Variants in ANKS1B observed in about 807,000 individuals in gnomAD.
ANKS1B encodes the protein ankyrin repeat and sterile alpha motif domain containing 1B.
A neutral mutation model predicts 148.3 loss-of-function variants in ANKS1B; 36 were observed. The observed-to-expected ratio is 0.24, with a 90% confidence interval of 0.19 to 0.32. The LOEUF (loss-of-function observed/expected upper bound fraction) is 0.32, where lower values mean the gene tolerates loss of function less well. ANKS1B is among the 10% of genes least tolerant of loss of function. ANKS1B has a pLI of 1.00. For missense variants in ANKS1B, 1,157 were observed against 1,542.6 expected, an observed-to-expected ratio of 0.75 and a Z score of 4.19; for synonymous variants, 542 against 560.8, an observed-to-expected ratio of 0.97 and a Z score of 0.47.
chr12:99,284,184 C>G (rs1473897676), intron 12 of ANKS1B, among the ~76,000 whole-genome samples: 1 of 152,166 alleles, frequency 6.6e-6, no homozygotes, highest in Non-Finnish European at 1.5e-5. Flanking sequence ...TAGTATCAGG[C>G]TCAAGCAGAT....
chr12:99,254,359 A>G (rs1220062833), intron 12 of ANKS1B, among the ~76,000 whole-genome samples: 2 of 152,188 alleles, frequency 1.3e-5, no homozygotes, highest in East Asian at 3.9e-4. Flanking sequence ...TAACACTAAG[A>G]CATTATTTGC....
chr12:98,816,995 GAA>G (rs576613428), intron 19 of ANKS1B, among the ~76,000 whole-genome samples: 1 of 141,436 alleles, frequency 7.1e-6, no homozygotes, highest in African/African-American at 2.6e-5. Flanking sequence ...TTCTAGCCCT[GAA>G]AAAAAAAAAG....
At chr12:98,913,941 A>T (rs1236166385) in intron 17 of ANKS1B, among the ~76,000 whole-genome samples, 1 of 152,082 alleles carries the variant, frequency 6.6e-6, no homozygotes, top group Non-Finnish European at 1.5e-5. Flanking sequence ...AGTTTTCTTT[A>T]TGTCAGTTAG....
chr12:99,153,673 TA>T (rs1343986103), intron 15 of ANKS1B, among the ~76,000 whole-genome samples: 1 of 152,178 alleles, frequency 6.6e-6, no homozygotes, highest in Non-Finnish European at 1.5e-5. Flanking sequence ...TATTGACAGC[TA>T]AATGACCAAA....
chr12:99,752,110 T>A (rs942472618), intron 8 of ANKS1B, among the ~76,000 whole-genome samples: 3 of 152,042 alleles, frequency 2.0e-5, no homozygotes, highest in South Asian at 2.1e-4. Flanking sequence ...CATAATCAGA[T>A]GATTGTTATT....
intron 17 of ANKS1B, among the ~76,000 whole-genome samples, chr12:98,991,323 T>C (rs150176319): frequency 5.3e-4 from 80 of 152,348 alleles, no homozygotes; most frequent in Middle Eastern, 3.4e-3. Flanking sequence ...TGTTTGCATA[T>C]AGGGTACACA....
chr12:98,768,733 CAAA>C (rs36034629), intron 25 of ANKS1B, among the ~76,000 whole-genome samples: 5 of 80,586 alleles, frequency 6.2e-5, no homozygotes, highest in Non-Finnish European at 9.9e-5. Flanking sequence ...GACTCCATCT[CAAA>C]AAAAAAAAAA....
intron 12 of ANKS1B, among the ~76,000 whole-genome samples, chr12:99,348,234 C>T (rs1261944134): frequency 4.0e-5 from 6 of 151,878 alleles, no homozygotes; most frequent in East Asian, 1.9e-4. Context: ...ATCTAGCTAT[C>T]GGAATCCCAG....
At chr12:99,207,771 T>A (rs1004155462) in intron 14 of ANKS1B, among the ~76,000 whole-genome samples, 4 of 152,110 alleles carry the variant, frequency 2.6e-5, no homozygotes, top group Non-Finnish European at 5.9e-5. Flanking sequence ...ATGAAAGATG[T>A]GTTTTTGTTA....
intron 17 of ANKS1B, among the ~76,000 whole-genome samples, chr12:99,042,296 G>A (rs1039328933): frequency 6.6e-6 from 1 of 152,224 alleles, no homozygotes; most frequent in African/African-American, 2.4e-5. Context: ...GCTCATTTTT[G>A]TTTGTTTGTT....
At chr12:98,989,233 T>C (rs552219635) in intron 17 of ANKS1B, among the ~76,000 whole-genome samples, 11 of 152,212 alleles carry the variant, frequency 7.2e-5, no homozygotes, top group Non-Finnish European at 1.6e-4. Flanking sequence ...AGAAGTTTCA[T>C]AGTTTTGGGT....
At chr12:99,740,293 G>A (rs1057112392) in intron 8 of ANKS1B, among the ~76,000 whole-genome samples, 15 of 151,898 alleles carry the variant, frequency 9.9e-5, no homozygotes, top group Admixed American at 2.6e-4. Flanking sequence ...CTGGTTAACA[G>A]AGGGAGACCG....
In ANKS1B at chr12:98,745,523, C is replaced by A. The variant is rs1161190622; in HGVS notation, c.*216G>T. The A allele has an allele frequency of 3.1e-6, 4 of 1,288,212 alleles. No individual in the cohort carries two copies. The highest frequency in any genetic ancestry group is 3.9e-5 in the Admixed American group (1 of 25,526). 79.8% of individuals were successfully genotyped at this position (1,288,212 alleles called of 1,614,324 possible). On this transcript the variant is annotated 3_prime_UTR_variant, in exon 27 of 27. Coordinates refer to ENST00000683438, the MANE Select transcript of ANKS1B (RefSeq NM_001352186.2). ...ATCAGGGAAAACCCATCTCAACTCACGCCTCTCAGGGGTTGCGACTGGAAA... is the reference window on the plus strand; with the variant it reads ...ATCAGGGAAAACCCATCTCAACTCAAGCCTCTCAGGGGTTGCGACTGGAAA...
chr12:99,890,728 T>C lies in ANKS1B; in HGVS notation c.135-65339A>G, dbSNP rs114672318. Among the ~76,000 whole-genome samples the C allele has an allele frequency of 7.0e-3, 1,068 of 152,246 alleles. 14 individuals carry two copies. The highest frequency in any genetic ancestry group is 0.025 in the African/African-American group (1,019 of 41,534). On this transcript the variant is annotated intron_variant, in intron 1 of 26. Coordinates refer to ENST00000683438, the MANE Select transcript of ANKS1B (RefSeq NM_001352186.2). ...TGCTAAATTATTCACATACATTTTC[T>C]GAGTTAGCCTTTACACAACCCAATT...
rs2096918679 is a variant in ANKS1B, at chr12:99,525,525, G to GA, written c.1273-20885dup. The stretch of plus-strand genomic sequence containing the variant: ...ACAATAATTGAAAGGCAAGATAACA[G>GA]AAAAAATACTTTAAAAGAAGGTTCT... On this transcript the variant is annotated intron_variant, in intron 9 of 26. Coordinates refer to ENST00000683438, the MANE Select transcript of ANKS1B (RefSeq NM_001352186.2). 2.0e-5 allele frequency among the ~76,000 whole-genome samples: 3 copies of GA among 152,002 alleles called. No individual in the cohort carries two copies. In the South Asian group the frequency reaches 6.2e-4, roughly 31 times the overall value.
chr12:99,446,107 A>T (rs930385887), intron 10 of ANKS1B, among the ~76,000 whole-genome samples: 1 of 149,448 alleles, frequency 6.7e-6, no homozygotes, highest in African/African-American at 2.5e-5. Context: ...AGATAAAGGA[A>T]GCATGATAAA....
intron 9 of ANKS1B, among the ~76,000 whole-genome samples, chr12:99,591,215 T>C (rs2097699897): frequency 6.6e-6 from 1 of 152,114 alleles, no homozygotes; most frequent in South Asian, 2.1e-4. Flanking sequence ...ATGAGAATTA[T>C]GAAATTTTCT....
At position 99,665,120 on chromosome 12, in the gene ANKS1B, TTC is replaced by T. The variant is rs2098499377; in HGVS notation, c.1129-9912_1129-9911del. On this transcript the variant is annotated intron_variant, in intron 8 of 26. Coordinates refer to ENST00000683438, the MANE Select transcript of ANKS1B (RefSeq NM_001352186.2). ...TCTGTGAGTGCCCATAAGTTTTTGT[TTC>T]TCTTGGGTAAATATCGAAAATGCTA... Among the ~76,000 whole-genome samples the T allele has an allele frequency of 2.6e-5, 4 of 152,326 alleles. No homozygotes were observed. The South Asian group carries it at 8.3e-4, about 32-fold the overall frequency.
chr12:98,881,167 T>C lies in ANKS1B; in HGVS notation c.2779-49031A>G, dbSNP rs190916081. On this transcript the variant is annotated intron_variant, in intron 17 of 26. Coordinates refer to ENST00000683438, the MANE Select transcript of ANKS1B (RefSeq NM_001352186.2). ...TTATATTTGGTATTTAAATGCCACA[T>C]TGATAACTGAACACTGTAGTATAAA... is the stretch of plus-strand genomic sequence containing the variant. 1.4e-3 allele frequency among the ~76,000 whole-genome samples: 219 copies of C among 152,334 alleles called. 1 individual carries two copies. The highest frequency in any genetic ancestry group is 4.9e-3 in the African/African-American group (204 of 41,580).
Sources: gnomAD v4.1 joint callset for allele counts (sites outside exome capture counted in the v4.1 genomes callset) on GRCh38, gnomAD v4.1.1 for gene constraint, MANE v1.5 for transcripts, NCBI Gene and HGNC (gene_info 2026-07-23, HGNC 2026-07-21) for gene names.